Variants in LGI1 observed in about 807,000 individuals in gnomAD.
LGI1 encodes the protein leucine rich glioma inactivated 1, also known as leucine-rich glioma-inactivated protein 1.
A neutral mutation model predicts 57.7 loss-of-function variants in LGI1; 11 were observed. The ratio of observed to expected loss-of-function variants is 0.19; its 90% confidence interval spans 0.12 to 0.32. The LOEUF (loss-of-function observed/expected upper bound fraction) is 0.32. Among genes scored for constraint, LGI1 ranks in the 10% least tolerant of loss-of-function variants. The pLI is 1.00. For missense variants in LGI1, 422 were observed against 661.9 expected (o/e 0.64, Z 3.98); for synonymous variants, 222 against 241.9 (o/e 0.92, Z 0.76).
At chr10:93,790,033 T>C in intron 4 of LGI1, 66 bp from the exon 5 acceptor site, 1 of 1,460,432 alleles carries the variant, frequency 6.8e-7, no homozygotes, top group Non-Finnish European at 9.4e-7. Flanking sequence ...CACTAAGCTT[T>C]ATCATTAAAT....
At chr10:93,780,520 A>C (rs1004400455) in intron 4 of LGI1, among the ~76,000 whole-genome samples, 4 of 152,170 alleles carry the variant, frequency 2.6e-5, no homozygotes, top group African/African-American at 9.7e-5. Flanking sequence ...ACCTGCATGC[A>C]TTGCAGGAAG....
In LGI1 at chr10:93,758,549, A is replaced by G; in HGVS notation, c.215+190A>G. The G allele has an allele frequency of 1.4e-6, 1 of 706,476 alleles. No individual in the cohort carries two copies. Among genetic ancestry groups the G allele is most frequent in the South Asian group, 1.7e-5 (1 of 58,964 alleles). The allele number at this position is 706,476 out of a possible 1,614,324, so 43.8% of individuals were successfully genotyped here. ...TTTTTAGCTGCTACTGAACATGCTT[A>G]GATACCCCCAGCCCTGAACATTATC... On this transcript the variant is annotated intron_variant, in intron 1 of 7. Transcript: ENST00000371418. The surrounding 1 kb of genome is among the most constrained non-coding windows in gnomAD (Gnocchi z 4.7).
intron 2 of LGI1, among the ~76,000 whole-genome samples, chr10:93,772,189 G>C (rs2059748482): frequency 6.6e-6 from 1 of 151,872 alleles, no homozygotes; most frequent in South Asian, 2.1e-4. Context: ...GCAACAAAAG[G>C]GGTCAAAGGA....
At chr10:93,794,362 C>CTTTTTTTTTTTTTTTTTTTTTT (rs71031540) in intron 7 of LGI1, among the ~76,000 whole-genome samples, 1 of 101,198 alleles carries the variant, frequency 9.9e-6, no homozygotes. Flanking sequence ...CTGGATCTCT[C>CTTTTTTTTTTTTTTTTTTTTTT]TTTTTTTTTT....
At chr10:93,786,231 C>T (rs144174422) in intron 4 of LGI1, among the ~76,000 whole-genome samples, 493 of 47,314 alleles carry the variant, frequency 0.01, 145 homozygotes, top group Admixed American at 0.038. Flanking sequence ...CATGACCTGA[C>T]CACTCAGGCC....
chr10:93,795,190 C>T (rs2059969887), intron 7 of LGI1, among the ~76,000 whole-genome samples: 1 of 152,170 alleles, frequency 6.6e-6, no homozygotes, highest in Non-Finnish European at 1.5e-5. Flanking sequence ...CTGAGGGCAT[C>T]TCAGAGCTCA....
chr10:93,766,512 C>CTTTTTTTTTTTTTTTTTTGTTT (rs71031537), intron 2 of LGI1, among the ~76,000 whole-genome samples: 1 of 84,588 alleles, frequency 1.2e-5, no homozygotes, highest in Non-Finnish European at 2.1e-5. Context: ...TTATAGATCT[C>CTTTTTTTTTTTTTTTTTTGTTT]TTTTTTTTTT....
At chr10:93,786,583 A>G (rs1465290392) in intron 4 of LGI1, among the ~76,000 whole-genome samples, 1 of 46,184 alleles carries the variant, frequency 2.2e-5, no homozygotes, top group African/African-American at 3.0e-5. Context: ...GATCCCTTAT[A>G]TCTCTTTGTT....
At chr10:93,776,947 G>GAT in intron 2 of LGI1, 1 of 234,964 alleles carries the variant, frequency 4.3e-6, no homozygotes, top group Non-Finnish European at 8.4e-6. Context: ...CAGGCATGCA[G>GAT]CTTACTTTTT....
intron 5 of LGI1, chr10:93,791,340 C>T (rs955800673): frequency 2.0e-5 from 3 of 152,206 alleles, no homozygotes; most frequent in African/African-American, 7.2e-5. Context: ...AGTTAGAACA[C>T]ACTCCATGGG....
Position 93,771,142 on chromosome 10 carries a change from GGA to G in LGI1, c.288-6234_288-6233del, listed in dbSNP as rs1378494867. Reference sequence around the variant, plus strand: ...GAAGGATATCACATACTCAAATAGGGGAGATTCTGTTAATTCTGTTAATTATT... The same window carrying G: ...GAAGGATATCACATACTCAAATAGGGGATTCTGTTAATTCTGTTAATTATT... On this transcript the variant is annotated intron_variant, in intron 2 of 7. Coordinates refer to ENST00000371418, the MANE Select transcript of LGI1 (RefSeq NM_005097.4). The G allele has an allele frequency of 9.2e-5, 14 of 152,220 alleles. No individual in the cohort carries two copies. In the South Asian group the frequency reaches 2.7e-3, roughly 29 times the overall value. The allele number at this position is 152,220 out of a possible 1,614,324, so 9.4% of individuals were successfully genotyped here.
intron 4 of LGI1, among the ~76,000 whole-genome samples, chr10:93,780,757 G>A: frequency 6.6e-6 from 1 of 152,208 alleles, no homozygotes; most frequent in East Asian, 1.9e-4. Context: ...GGACCAGATA[G>A]CTTTTATTGA....
At chr10:93,786,895 A>G (rs781065341) in intron 4 of LGI1, among the ~76,000 whole-genome samples, 21 of 152,244 alleles carry the variant, frequency 1.4e-4, no homozygotes, top group Non-Finnish European at 1.0e-4. Flanking sequence ...TGCCCTGGCA[A>G]CCTGTTACAT....
At position 93,797,317 on chromosome 10, in the gene LGI1, G is replaced by A. The variant is rs545650972; in HGVS notation, c.1188G>A (p.Thr396=). The change falls in exon 8 of 8, where the codon ACG becomes ACA. Residue 396 remains threonine, a synonymous_variant. Coordinates refer to ENST00000371418, the MANE Select transcript of LGI1 (RefSeq NM_005097.4). The surrounding 1 kb of genome is among the most constrained non-coding windows in gnomAD (Gnocchi z 6.5). ...EIVRTPQTLR[T]PHLILSSSSQ... is the part of the protein sequence containing the mutation. ...TCAGAACACCTCAGACACTCAGAAC[G>A]CCTCATTTAATTCTGTCTAGTAGTT... is the stretch of plus-strand genomic sequence containing the variant. 5.6e-6 allele frequency: 9 copies of A among 1,614,134 alleles called. No individual in the cohort carries two copies. The highest frequency in any genetic ancestry group is 2.2e-5 in the East Asian group (1 of 44,882).
At chr10:93,767,079 A>G (rs1430864501) in intron 2 of LGI1, 2 of 152,212 alleles carry the variant, frequency 1.3e-5, no homozygotes, top group Non-Finnish European at 2.9e-5. Context: ...CATTAACAAG[A>G]GTTTTCAGGA....
intron 5 of LGI1, chr10:93,791,173 T>A (rs2059934959): frequency 6.6e-6 from 1 of 152,244 alleles, no homozygotes; most frequent in South Asian, 2.1e-4. Flanking sequence ...TGATATGGTT[T>A]AATTCCAGGA....
At chr10:93,761,710 A>G (rs2133979428) in intron 2 of LGI1, among the ~76,000 whole-genome samples, 1 of 152,368 alleles carries the variant, frequency 6.6e-6, no homozygotes, top group African/African-American at 2.4e-5. Context: ...AGAGAGAGAA[A>G]GAATAAAATT....
chr10:93,797,375 G>T lies in LGI1; in HGVS notation c.1246G>T (p.Ala416Ser). Residue 416 changes from alanine (A) to serine (S), a missense_variant, in exon 8 of 8, where the codon GCA becomes TCA. Transcript: ENST00000371418. This position sits in a 1 kb window ranked among gnomAD's most constrained non-coding sequence, Gnocchi z 6.5. ...QRPVIYQWNK[A>S]TQLFTNQTDI... ...TCCTGTAATTTATCAGTGGAACAAAGCAACACAATTATTCACTAACCAAAC... is the reference window on the plus strand; with the variant it reads ...TCCTGTAATTTATCAGTGGAACAAATCAACACAATTATTCACTAACCAAAC... The T allele has an allele frequency of 6.2e-7, 1 of 1,614,176 alleles. No individual in the cohort carries two copies. The highest frequency in any genetic ancestry group is 1.1e-5 in the South Asian group (1 of 91,076).
intron 4 of LGI1, chr10:93,789,337 A>G (rs1263637983): frequency 6.6e-6 from 1 of 152,332 alleles, no homozygotes; most frequent in Non-Finnish European, 1.5e-5. Context: ...GTACTGGGGA[A>G]GAGATAGAGC....
Sources: allele counts gnomAD v4.1 joint callset (sites outside exome capture counted in the v4.1 genomes callset), GRCh38; gene constraint gnomAD v4.1.1; non-coding constraint Gnocchi (gnomAD v3.1); transcripts MANE v1.5; gene names NCBI Gene and HGNC (gene_info 2026-07-23, HGNC 2026-07-21).